GRIN2A: variants seen among roughly 807,000 people sequenced by gnomAD.
The protein encoded by GRIN2A is glutamate receptor ionotropic, NMDA 2A.
Under a neutral mutation model 113.4 loss-of-function variants are expected in GRIN2A, and 22 were observed. That is an observed-to-expected ratio of 0.19 (90% CI 0.14 to 0.28). The LOEUF is 0.28. GRIN2A is among the 10% of genes least tolerant of loss of function. GRIN2A has a pLI of 1.00. For synonymous variants in GRIN2A, 827 were observed against 738.4 expected (o/e 1.12, Z -1.94); for missense variants, 1,502 against 1,887.0 (o/e 0.80, Z 3.78).
intron 11 of GRIN2A, among the ~76,000 whole-genome samples, chr16:9,770,592 C>G (rs1901209570): frequency 6.6e-6 from 1 of 152,140 alleles, no homozygotes; most frequent in Admixed American, 6.5e-5. Context: ...TATTTTCTCT[C>G]TAGTTGCTTT....
intron 3 of GRIN2A, among the ~76,000 whole-genome samples, chr16:9,907,004 G>T (rs571319881): frequency 5.3e-4 from 80 of 152,126 alleles, no homozygotes; most frequent in African/African-American, 1.8e-3. Context: ...TTGTAGACAG[G>T]GTTTCACCAC....
intron 2 of GRIN2A, among the ~76,000 whole-genome samples, chr16:10,152,780 G>A (rs74006792): frequency 0.037 from 5,611 of 152,234 alleles, 279 homozygotes; most frequent in African/African-American, 0.11. Context: ...ACATCAAGCC[G>A]TGAAAAGACA....
chr16:9,830,454 G>A (rs2042470721), intron 8 of GRIN2A, among the ~76,000 whole-genome samples: 1 of 132,196 alleles, frequency 7.6e-6, no homozygotes. Flanking sequence ...ACATATTAGG[G>A]TTTTCAAGTC....
At chr16:9,840,107 G>A (rs1321651610) in intron 7 of GRIN2A, among the ~76,000 whole-genome samples, 1 of 152,096 alleles carries the variant, frequency 6.6e-6, no homozygotes, top group Non-Finnish European at 1.5e-5. Context: ...AGCAGAGCTA[G>A]ACTCCATCTC....
intron 4 of GRIN2A, among the ~76,000 whole-genome samples, chr16:9,865,117 A>C (rs2043140782): frequency 6.6e-6 from 1 of 152,228 alleles, no homozygotes; most frequent in South Asian, 2.1e-4. Flanking sequence ...CAAGAGGATC[A>C]TTTGAAATAC....
At chr16:10,032,241 T>C (rs1158985652) in intron 2 of GRIN2A, among the ~76,000 whole-genome samples, 1 of 152,212 alleles carries the variant, frequency 6.6e-6, no homozygotes, top group Non-Finnish European at 1.5e-5. Context: ...TACTTCAAGC[T>C]TGTTGAGCCT....
chr16:9,806,819 GAGTGAGGAC>G (rs374238050), intron 10 of GRIN2A, among the ~76,000 whole-genome samples: 2 of 152,140 alleles, frequency 1.3e-5, no homozygotes, highest in African/African-American at 4.8e-5. Flanking sequence ...AACGGGGAAG[GAGTGAGGAC>G]AGTGATATGG....
At chr16:9,907,052 A>G (rs984453925) in intron 3 of GRIN2A, among the ~76,000 whole-genome samples, 3 of 152,142 alleles carry the variant, frequency 2.0e-5, no homozygotes, top group African/African-American at 7.2e-5. Context: ...GACTCGAGCA[A>G]TCTGCCCACC....
chr16:9,766,741 T>TC (rs1567280643), intron 12 of GRIN2A, among the ~76,000 whole-genome samples: 1 of 151,862 alleles, frequency 6.6e-6, no homozygotes, highest in African/African-American at 2.4e-5. Context: ...AATAAGTAAA[T>TC]AAATCAAATC....
chr16:10,070,799 C>T (rs569003800), intron 2 of GRIN2A, among the ~76,000 whole-genome samples: 13 of 152,342 alleles, frequency 8.5e-5, no homozygotes, highest in South Asian at 8.3e-4. Context: ...CTGCCTCACA[C>T]GCAGACCATC....
chr16:10,181,601 C>T (rs1351261217), intron 1 of GRIN2A: 1 of 152,280 alleles, frequency 6.6e-6, no homozygotes, highest in African/African-American at 2.4e-5. Context: ...CAAATACCAG[C>T]ACGGTCGTGC....
chr16:10,000,748 C>T (rs1392312794), intron 2 of GRIN2A, among the ~76,000 whole-genome samples: 2 of 152,192 alleles, frequency 1.3e-5, no homozygotes, highest in African/African-American at 2.4e-5. Context: ...TTTCCTCTTT[C>T]TCCTTTTTCT....
At chr16:9,872,882 TAAAAACAA>T in intron 4 of GRIN2A, among the ~76,000 whole-genome samples, 1 of 90,746 alleles carries the variant, frequency 1.1e-5, no homozygotes, top group African/African-American at 4.3e-5. Flanking sequence ...CAAAACAAAA[TAAAAACAA>T]AAAAACTAGC....
At chr16:9,833,221 A>C (rs2042527786) in intron 8 of GRIN2A, among the ~76,000 whole-genome samples, 1 of 152,188 alleles carries the variant, frequency 6.6e-6, no homozygotes, top group South Asian at 2.1e-4. Context: ...AATGCCTCCC[A>C]ATTTTATTTC....
At chr16:9,768,675 A>T (rs1901070229) in intron 12 of GRIN2A, among the ~76,000 whole-genome samples, 176 bp downstream of exon 12, 2 of 152,032 alleles carry the variant, frequency 1.3e-5, no homozygotes, top group African/African-American at 4.8e-5. Context: ...TGCCTTCCTT[A>T]GTCATCTAAG....
chr16:10,044,648 T>G (rs2047227962), intron 2 of GRIN2A, among the ~76,000 whole-genome samples: 1 of 149,680 alleles, frequency 6.7e-6, no homozygotes, highest in Non-Finnish European at 1.5e-5. Context: ...CAATGTCTGG[T>G]TCATACTAGA....
At chr16:9,937,399 G>C (rs766847401) in intron 3 of GRIN2A, among the ~76,000 whole-genome samples, 1 of 152,102 alleles carries the variant, frequency 6.6e-6, no homozygotes, top group Admixed American at 6.6e-5. Context: ...ATGCTTAGGG[G>C]ATGGATACCC....
intron 7 of GRIN2A, among the ~76,000 whole-genome samples, chr16:9,835,743 A>G (rs1217133262): frequency 7.2e-5 from 11 of 152,188 alleles, no homozygotes; most frequent in Admixed American, 5.9e-4. Context: ...ATAGCAGGCC[A>G]CCTTCTTATT....
At chr16:10,127,580 G>A (rs1227884740) in intron 2 of GRIN2A, among the ~76,000 whole-genome samples, 1 of 152,144 alleles carries the variant, frequency 6.6e-6, no homozygotes. Context: ...TTATATATAA[G>A]AATAATTGCC....
Sources: gnomAD v4.1 joint callset for allele counts (sites outside exome capture counted in the v4.1 genomes callset) on GRCh38, gnomAD v4.1.1 for gene constraint, MANE v1.5 for transcripts, NCBI Gene and HGNC (gene_info 2026-07-23, HGNC 2026-07-21) for gene names.